EEFSEC: variants seen among roughly 807,000 people sequenced by gnomAD.
EEFSEC encodes the protein selenocysteine-specific elongation factor.
In EEFSEC, 43 loss-of-function variants were observed where a neutral mutation model predicts 42.1. The ratio of observed to expected loss-of-function variants is 1.02; its 90% CI spans 0.80 to 1.32. The LOEUF (loss-of-function observed/expected upper bound fraction) is 1.32. EEFSEC is among the 40% of genes most tolerant of loss of function. The probability of loss-of-function intolerance (pLI) is 0.00; values close to 1 mark genes in which losing one functional copy is unlikely to be tolerated. For synonymous variants in EEFSEC, 354 were observed against 339.1 expected (o/e 1.04, Z -0.48); for missense variants, 745 against 803.6 (o/e 0.93, Z 0.88).
chr3:128,169,215 A>G (rs2065270299), intron 1 of EEFSEC, among the ~76,000 whole-genome samples: 1 of 152,216 alleles, frequency 6.6e-6, no homozygotes, highest in Non-Finnish European at 1.5e-5. Context: ...ATAAAGCTGA[A>G]GCTAAACTGT....
At position 128,348,770 on chromosome 3, in the gene EEFSEC, C is replaced by T. The variant is rs181984041; in HGVS notation, c.1443+6881C>T. ...TGTGGGGTGAAGGATGTGTAAAAGC[C>T]GAGGCTGGAACCACTGGGTCCTGTC... On this transcript the variant is annotated intron_variant, in intron 5 of 6. Transcript: ENST00000254730. Among the ~76,000 whole-genome samples, 470 of 152,218 alleles carry T rather than the reference C, an allele frequency of 3.1e-3. 1 individual carries two copies. Among genetic ancestry groups the T allele is most frequent in the Non-Finnish European group, 5.5e-3 (373 of 68,010 alleles).
At chr3:128,349,061 G>A (rs1412026081) in intron 5 of EEFSEC, among the ~76,000 whole-genome samples, 2 of 152,206 alleles carry the variant, frequency 1.3e-5, no homozygotes, top group Non-Finnish European at 2.9e-5. Flanking sequence ...AGACACTAGG[G>A]GCCATGTGGG....
intron 4 of EEFSEC, among the ~76,000 whole-genome samples, chr3:128,273,859 G>A (rs2066439918): frequency 6.6e-6 from 1 of 152,188 alleles, no homozygotes; most frequent in Admixed American, 6.5e-5. Context: ...TGCTGAGGTG[G>A]GCCCCCTTTA....
At chr3:128,291,413 C>T (rs2066642555) in intron 4 of EEFSEC, among the ~76,000 whole-genome samples, 1 of 152,206 alleles carries the variant, frequency 6.6e-6, no homozygotes, top group South Asian at 2.1e-4. Flanking sequence ...TTATCCCTTT[C>T]TTGCTCTTTC....
In EEFSEC at chr3:128,363,471, G is replaced by A. The variant is rs552959516; in HGVS notation, c.1600+5098G>A. ...CACTGAAGTGTATCTCCCTTCCTCA[G>A]GGTATGCGGGAGAAGGGAAGGGTTG... On this transcript the variant is annotated intron_variant, in intron 6 of 6. Coordinates refer to ENST00000254730, the MANE Select transcript of EEFSEC (RefSeq NM_021937.5). 6.6e-5 allele frequency among the ~76,000 whole-genome samples: 10 copies of A among 152,328 alleles called. No individual in the cohort carries two copies. The East Asian group carries it at 1.7e-3, about 26-fold the overall frequency.
intron 3 of EEFSEC, 136 bp from the exon 4 acceptor site, chr3:128,264,481 A>T (rs1263963706): frequency 1.0e-6 from 1 of 964,552 alleles, no homozygotes; most frequent in Non-Finnish European, 1.5e-6. Flanking sequence ...CCACCTTGCC[A>T]GGGCATGGAC....
intron 6 of EEFSEC, among the ~76,000 whole-genome samples, chr3:128,401,799 C>T (rs2068051121): frequency 6.6e-6 from 1 of 152,162 alleles, no homozygotes; most frequent in African/African-American, 2.4e-5. Context: ...GCGCCCACAC[C>T]TCCCAGTCGT....
chr3:128,381,967 C>T (rs748695654), intron 6 of EEFSEC, among the ~76,000 whole-genome samples: 4 of 152,230 alleles, frequency 2.6e-5, no homozygotes, highest in Middle Eastern at 3.4e-3. Flanking sequence ...CGCTGGGCCA[C>T]GTGAGGACGC....
At chr3:128,182,533 T>A (rs2065419604) in intron 1 of EEFSEC, among the ~76,000 whole-genome samples, 1 of 152,198 alleles carries the variant, frequency 6.6e-6, no homozygotes, top group Non-Finnish European at 1.5e-5. Flanking sequence ...TGAGCGTGTT[T>A]TGGAGATGGG....
chr3:128,316,102 C>T (rs974213098), intron 4 of EEFSEC, among the ~76,000 whole-genome samples: 5 of 152,168 alleles, frequency 3.3e-5, no homozygotes, highest in African/African-American at 7.2e-5. Flanking sequence ...TAGTCTGTGG[C>T]GCAGAGGTAT....
downstream of EEFSEC, among the ~76,000 whole-genome samples, chr3:128,413,461 C>T (rs1252738561): frequency 6.6e-6 from 1 of 152,166 alleles, no homozygotes; most frequent in African/African-American, 2.4e-5. Flanking sequence ...CTACCTCCCA[C>T]CTGGCAGTGT....
At chr3:128,276,240 G>T (rs1443677355) in intron 4 of EEFSEC, among the ~76,000 whole-genome samples, 1 of 152,216 alleles carries the variant, frequency 6.6e-6, no homozygotes, top group Non-Finnish European at 1.5e-5. Context: ...CTCAGCTGGG[G>T]GTTAGGGCGG....
chr3:128,316,508 A>G (rs1219069202), intron 4 of EEFSEC, among the ~76,000 whole-genome samples: 1 of 152,200 alleles, frequency 6.6e-6, no homozygotes, highest in Non-Finnish European at 1.5e-5. Context: ...CTTATGATCG[A>G]CAGGCACGTG....
At chr3:128,340,828 G>C (rs910931247) in intron 4 of EEFSEC, among the ~76,000 whole-genome samples, 2 of 152,220 alleles carry the variant, frequency 1.3e-5, no homozygotes, top group Admixed American at 1.3e-4. Context: ...GCCATTCTTG[G>C]GGGAGGAGGC....
chr3:128,247,513 G>A (rs946002690), intron 2 of EEFSEC, among the ~76,000 whole-genome samples: 1 of 152,194 alleles, frequency 6.6e-6, no homozygotes, highest in Non-Finnish European at 1.5e-5. Context: ...ATCAATTTTG[G>A]TAGATGACTG....
At chr3:128,197,956 C>A (rs2065603252) in intron 1 of EEFSEC, among the ~76,000 whole-genome samples, 1 of 152,224 alleles carries the variant, frequency 6.6e-6, no homozygotes, top group Non-Finnish European at 1.5e-5. Flanking sequence ...ACTGAGCCGT[C>A]TGTCTCTGCC....
rs368322231 is a variant in EEFSEC, at chr3:128,153,969, G to A, written c.316+146G>A. On this transcript the variant is annotated intron_variant, in intron 1 of 6. Coordinates refer to ENST00000254730, the MANE Select transcript of EEFSEC (RefSeq NM_021937.5). ...TCCTGACGCCCCAAGAGGCGGACGT[G>A]ACTTGCCTAGGGCTCCGCAGCAAGT... The A allele has an allele frequency of 2.5e-6, 3 of 1,224,178 alleles. No homozygotes were observed. In the African/African-American group the frequency reaches 4.9e-5, roughly 20 times the overall value. The allele number at this position is 1,224,178 out of a possible 1,614,324, so 75.8% of individuals were successfully genotyped here.
chr3:128,248,509 T>G, intron 2 of EEFSEC, among the ~76,000 whole-genome samples: 1 of 152,216 alleles, frequency 6.6e-6, no homozygotes, highest in East Asian at 1.9e-4. Flanking sequence ...AATCGACACA[T>G]TTAGATAAGT....
Position 128,182,627 on chromosome 3 carries a change from G to A in EEFSEC, c.316+28804G>A, listed in dbSNP as rs566025429. Among the ~76,000 whole-genome samples the A allele has an allele frequency of 1.3e-4, 20 of 152,196 alleles. No individual in the cohort carries two copies. The South Asian group carries it at 3.5e-3, about 27-fold the overall frequency. ...CTCTCAGGATGACTTGTGCTATCTCGAACAGTAGTGTCTGGAAGGCCTTGG... is the reference window on the plus strand; with the variant it reads ...CTCTCAGGATGACTTGTGCTATCTCAAACAGTAGTGTCTGGAAGGCCTTGG... On this transcript the variant is annotated intron_variant, in intron 1 of 6. Transcript: ENST00000254730.
Sources: allele counts gnomAD v4.1 joint callset (sites outside exome capture counted in the v4.1 genomes callset), GRCh38; gene constraint gnomAD v4.1.1; transcripts MANE v1.5; gene names NCBI Gene and HGNC (gene_info 2026-07-23, HGNC 2026-07-21).